Variants in DHRS11 observed in about 807,000 individuals in gnomAD.
The protein encoded by DHRS11 is dehydrogenase/reductase SDR family member 11.
In DHRS11, 18 loss-of-function variants were observed where a neutral mutation model predicts 30.7. The observed-to-expected ratio is 0.59, with a 90% CI of 0.41 to 0.87. The LOEUF (loss-of-function observed/expected upper bound fraction) is 0.87, where lower values mean the gene tolerates loss of function less well. Among genes scored for constraint, DHRS11 ranks in the 40% least tolerant of loss-of-function variants. DHRS11 has a pLI of 0.00. For missense variants in DHRS11, 300 were observed against 349.0 expected (o/e 0.86, Z 1.12); for synonymous variants, 123 against 139.6 (o/e 0.88, Z 0.84).
rs2074773673 is a variant in DHRS11 at position 36,592,277 on chromosome 17, C to T, written c.147+121C>T. The T allele has an allele frequency of 1.7e-6, 2 of 1,148,884 alleles. No homozygotes were observed. The highest frequency in any genetic ancestry group is 2.2e-6 in the Non-Finnish European group (2 of 914,114). 71.2% of individuals were successfully genotyped at this position (1,148,884 alleles called of 1,614,324 possible). A position where few individuals can be genotyped will look rare whatever the true frequency, so the allele number is the denominator to read the frequency against. ...GGGCGGCCTCTCGGATCCCTTAAGG[C>T]AGGCTTCTCCCTTCCCCTTAAGTCT... On this transcript the variant is annotated intron_variant, in intron 1 of 6. Transcript: ENST00000618403. The surrounding 1 kb of genome is among the most constrained non-coding windows in gnomAD (Gnocchi z 4.4).
chr17:36,599,478 T>C (rs2074838212), intron 4 of DHRS11, 193 bp from the exon 5 acceptor site: 3 of 605,070 alleles, frequency 5.0e-6, no homozygotes, highest in South Asian at 2.0e-5. Flanking sequence ...ACCTGACATA[T>C]AGGAAAGGCT....
intron 6 of DHRS11, 31 bp from the exon 7 acceptor site, chr17:36,600,131 A>C: frequency 6.2e-7 from 1 of 1,613,130 alleles, no homozygotes; most frequent in Non-Finnish European, 8.5e-7. Context: ...GGAGAGTGTC[A>C]CAGCTGCCTC....
chr17:36,598,234 T>TGTG lies in DHRS11; in HGVS notation c.430_431insTGG (p.Asp143_Gly144insVal). ...CCATGAAGGAGCGGAATGTGGACGA[T>TGTG]GGGCACATCATTAACATCAATAGGT... On this transcript the variant is annotated inframe_insertion, in exon 3 of 7. Transcript: ENST00000618403. 1 of 1,614,098 alleles carries TGTG rather than the reference T, an allele frequency of 6.2e-7. No individual in the cohort carries two copies. Among genetic ancestry groups the TGTG allele is most frequent in the East Asian group, 2.2e-5 (1 of 44,886 alleles).
At chr17:36,597,386 G>T (rs1350689915) in intron 2 of DHRS11, 1 of 158,180 alleles carries the variant, frequency 6.3e-6, no homozygotes, top group Admixed American at 6.3e-5. Context: ...ATCTCTGCTT[G>T]TCCTCCGGGT....
At chr17:36,593,928 C>A (rs917103861) in intron 1 of DHRS11, among the ~76,000 whole-genome samples, 11 of 152,336 alleles carry the variant, frequency 7.2e-5, no homozygotes, top group African/African-American at 2.6e-4. Context: ...TGTCAGCTTC[C>A]CCCTGGGCTG....
At position 36,592,175 on chromosome 17, in the gene DHRS11, CG is replaced by C; in HGVS notation, c.147+23del. ...CATCGAGGTGAGGCCGGGCCGAGGGCGGGGACGTCGCGGGCGGGTCGTTTCC... is the reference window on the plus strand; with the variant it reads ...CATCGAGGTGAGGCCGGGCCGAGGGCGGGACGTCGCGGGCGGGTCGTTTCC... On this transcript the variant is annotated intron_variant, in intron 1 of 6. Transcript: ENST00000618403. This position sits in a 1 kb window ranked among gnomAD's most constrained non-coding sequence, Gnocchi z 4.4. 1 of 1,266,628 alleles carries C rather than the reference CG, an allele frequency of 7.9e-7. No homozygotes were observed. 78.5% of individuals were successfully genotyped at this position (1,266,628 alleles called of 1,614,324 possible).
intron 2 of DHRS11, chr17:36,597,196 G>A: frequency 4.0e-6 from 1 of 248,298 alleles, no homozygotes; most frequent in Non-Finnish European, 8.1e-6. Flanking sequence ...AAACACGGCT[G>A]GAAACCTCCC....
rs34424724 is a variant in DHRS11 at position 36,595,410 on chromosome 17, C to CTTTTTT, written c.357+252_357+257dup. On this transcript the variant is annotated intron_variant, in intron 2 of 6. Coordinates refer to ENST00000618403, the MANE Select transcript of DHRS11 (RefSeq NM_024308.4). ...CTTCTTTGAGCCCCTGGAGGTAGTT[C>CTTTTTT]TTTTTTTTTTTTTTTTTTTTTTTTT... Among the ~76,000 whole-genome samples the CTTTTTT allele has an allele frequency of 1.7e-4, 9 of 51,640 alleles. 2 individuals are homozygous for CTTTTTT. The highest frequency in any genetic ancestry group is 2.9e-4 in the Admixed American group (1 of 3,450). 33.9% of individuals were successfully genotyped at this position (51,640 alleles called of 152,430 possible).
At chr17:36,597,188 A>T in intron 2 of DHRS11, 1 of 248,716 alleles carries the variant, frequency 4.0e-6, no homozygotes, top group African/African-American at 2.2e-5. Flanking sequence ...AAGATGAGAA[A>T]CACGGCTGGA....
chr17:36,599,774 C>T lies in DHRS11; in HGVS notation c.675+11C>T, dbSNP rs201913377. ...TATGAGCAAATGAAGGTGGGGCCTCCCTCTGAGCCTGGTGAAGCCACTGAC... is the reference window on the plus strand; with the variant it reads ...TATGAGCAAATGAAGGTGGGGCCTCTCTCTGAGCCTGGTGAAGCCACTGAC... On this transcript the variant is annotated intron_variant, in intron 5 of 6. Coordinates refer to ENST00000618403, the MANE Select transcript of DHRS11 (RefSeq NM_024308.4). 4 of 1,614,084 alleles carry T rather than the reference C, an allele frequency of 2.5e-6. No homozygotes were observed. The highest frequency in any genetic ancestry group is 2.2e-5 in the East Asian group (1 of 44,876).
chr17:36,600,313 C>A lies in DHRS11; in HGVS notation c.*110C>A. The A allele has an allele frequency of 7.9e-7, 1 of 1,272,934 alleles. No homozygotes were observed. Among genetic ancestry groups the A allele is most frequent in the Non-Finnish European group, 1.1e-6 (1 of 903,984 alleles). The allele number at this position is 1,272,934 out of a possible 1,614,324, so 78.9% of individuals were successfully genotyped here. ...GGGATACCACTTCCTGTCCACACCC[C>A]GACCAGGGGCTAGAAAATTTGTTTG... On this transcript the variant is annotated 3_prime_UTR_variant, in exon 7 of 7. Coordinates refer to ENST00000618403, the MANE Select transcript of DHRS11 (RefSeq NM_024308.4).
chr17:36,595,255 A>C lies in DHRS11; in HGVS notation c.357+75A>C, dbSNP rs994016948. 1.2e-5 allele frequency: 18 copies of C among 1,554,136 alleles called. No individual in the cohort carries two copies. The Admixed American group carries it at 2.6e-4, about 22-fold the overall frequency. On this transcript the variant is annotated intron_variant, in intron 2 of 6. Transcript: ENST00000618403. ...GGGGAGCCAGGGGTTTGTGAACCAGAGTGCTGCTGGGGACGGGACATCTAG... is the reference window on the plus strand; with the variant it reads ...GGGGAGCCAGGGGTTTGTGAACCAGCGTGCTGCTGGGGACGGGACATCTAG...
chr17:36,595,803 A>C (rs1258504622), intron 2 of DHRS11, among the ~76,000 whole-genome samples: 1 of 152,118 alleles, frequency 6.6e-6, no homozygotes, highest in Non-Finnish European at 1.5e-5. Context: ...TGCCTGTTGA[A>C]TGTTTCCCAC....
chr17:36,592,482 C>T lies in DHRS11; in HGVS notation c.147+326C>T, dbSNP rs2074775797. Among the ~76,000 whole-genome samples the T allele has an allele frequency of 6.6e-6, 1 of 152,192 alleles. No individual in the cohort carries two copies. Among genetic ancestry groups the T allele is most frequent in the Non-Finnish European group, 1.5e-5 (1 of 68,030 alleles). On this transcript the variant is annotated intron_variant, in intron 1 of 6. Coordinates refer to ENST00000618403, the MANE Select transcript of DHRS11 (RefSeq NM_024308.4). This position sits in a 1 kb window ranked among gnomAD's most constrained non-coding sequence, Gnocchi z 4.4. The stretch of plus-strand genomic sequence containing the variant: ...CTTCTCGCCCCCGGCGGCCAAGTGC[C>T]TCTAATCTCCAGAAGTCACCCACCA...
At position 36,592,756 on chromosome 17, in the gene DHRS11, C is replaced by T. The variant is rs891612988; in HGVS notation, c.147+600C>T. On this transcript the variant is annotated intron_variant, in intron 1 of 6. Coordinates refer to ENST00000618403, the MANE Select transcript of DHRS11 (RefSeq NM_024308.4). This position sits in a 1 kb window ranked among gnomAD's most constrained non-coding sequence, Gnocchi z 4.4. ...GCAACCTGGAACTCCTTACTCTGCT[C>T]TTGACGTGGGGTTGGGAGCCCTCAG... Among the ~76,000 whole-genome samples the T allele has an allele frequency of 2.6e-5, 4 of 152,162 alleles. No individual in the cohort carries two copies. Among genetic ancestry groups the T allele is most frequent in the Admixed American group, 1.3e-4 (2 of 15,280 alleles).
chr17:36,600,021 C>A lies in DHRS11; in HGVS notation c.725C>A (p.Thr242Asn). 6.2e-7 allele frequency: 1 copy of A among 1,613,850 alleles called. No homozygotes were observed. The highest frequency in any genetic ancestry group is 8.5e-7 in the Non-Finnish European group (1 of 1,179,912). The change falls in exon 6 of 7, where the codon ACC becomes AAC. Residue 242 changes from threonine (T) to asparagine (N), a missense_variant. Thr to Asn is a moderately conservative substitution (Grantham distance 65, BLOSUM62 0). Coordinates refer to ENST00000618403, the MANE Select transcript of DHRS11 (RefSeq NM_024308.4). ...VAEAVIYVLS[T>N]PAHIQIGDIQ... Reference sequence around the variant, plus strand: ...GAGGCTGTTATCTACGTCCTCAGCACCCCCGCACACATCCAGGTGAGTCTG... The same window carrying A: ...GAGGCTGTTATCTACGTCCTCAGCAACCCCGCACACATCCAGGTGAGTCTG...
At chr17:36,596,706 T>C (rs2074813767) in intron 2 of DHRS11, 3 of 458,034 alleles carry the variant, frequency 6.5e-6, no homozygotes, top group South Asian at 4.7e-5. Flanking sequence ...AGGACATGGG[T>C]TTTCAACTTC....
Position 36,598,953 on chromosome 17 carries a change from T to C in DHRS11, c.485T>C (p.Val162Ala), listed in dbSNP as rs2074833498. Reference sequence around the variant, plus strand: ...GGCCACCGAGTGTTACCCCTGTCTGTGACCCACTTCTATAGTGCCACCAAG... The same window carrying C: ...GGCCACCGAGTGTTACCCCTGTCTGCGACCCACTTCTATAGTGCCACCAAG... ...MSGHRVLPLS[V>A]THFYSATKYA... is the part of the protein sequence containing the mutation. Residue 162 changes from valine to alanine, a missense_variant, in exon 4 of 7, where the codon GTG becomes GCG. By Grantham distance (64) the Val-to-Ala change is moderately conservative (BLOSUM62 0). Coordinates refer to ENST00000618403, the MANE Select transcript of DHRS11 (RefSeq NM_024308.4). The C allele has an allele frequency of 1.2e-6, 2 of 1,613,638 alleles. No individual in the cohort carries two copies. The highest frequency in any genetic ancestry group is 1.7e-6 in the Non-Finnish European group (2 of 1,179,972).
In DHRS11 at chr17:36,592,912, C is replaced by G. The variant is rs2074780002; in HGVS notation, c.147+756C>G. Among the ~76,000 whole-genome samples, 1 of 152,080 alleles carries G rather than the reference C, an allele frequency of 6.6e-6. No homozygotes were observed. The highest frequency in any genetic ancestry group is 1.9e-4 in the East Asian group (1 of 5,194). On this transcript the variant is annotated intron_variant, in intron 1 of 6. Transcript: ENST00000618403. The surrounding 1 kb of genome is among the most constrained non-coding windows in gnomAD (Gnocchi z 4.4). ...CTTAGCTGCAGGGCTTTATCTCCAC[C>G]GTGCTCAAAGTCCTCAGGCAGGGAA...
Sources: gnomAD v4.1 joint callset for allele counts (sites outside exome capture counted in the v4.1 genomes callset) on GRCh38, gnomAD v4.1.1 for gene constraint, Gnocchi (gnomAD v3.1) non-coding constraint, MANE v1.5 for transcripts, NCBI Gene and HGNC (gene_info 2026-07-23, HGNC 2026-07-21) for gene names.